The following TTC34 variants were observed in gnomAD, a reference collection of about 807,000 sequenced individuals.
The protein encoded by TTC34 is tetratricopeptide repeat protein 34.
In TTC34, 44 loss-of-function variants were observed where a neutral mutation model predicts 40.7. The ratio of observed to expected loss-of-function variants is 1.08; its 90% CI spans 0.85 to 1.39. The LOEUF is 1.39. TTC34 is among the 40% of genes most tolerant of loss of function. TTC34 has a pLI of 0.00. For synonymous variants in TTC34, 422 were observed against 398.6 expected (o/e 1.06, Z -0.70); for missense variants, 884 against 838.0 (o/e 1.05, Z -0.68).
chr1:2,643,687 A>C (rs1638960480), intron 8 of TTC34, among the ~76,000 whole-genome samples: 1 of 152,128 alleles, frequency 6.6e-6, no homozygotes, highest in African/African-American at 2.4e-5. Flanking sequence ...GCAGCACCGA[A>C]CTGCCCCTTA....
chr1:2,683,472 C>T (rs535755905), intron 6 of TTC34, among the ~76,000 whole-genome samples: 2 of 150,254 alleles, frequency 1.3e-5, no homozygotes, highest in African/African-American at 4.9e-5. Flanking sequence ...AGCACCCACA[C>T]CACCAGGCGA....
exon 2 of TTC34, chr1:2,800,542 C>T (rs1019158279): frequency 2.8e-5 from 11 of 398,302 alleles, no homozygotes; most frequent in South Asian, 1.3e-4. Context: ...GGGCAGAGGG[C>T]GCCGAGGAAG....
chr1:2,757,157 TGC>T (rs1641534428), intron 6 of TTC34, among the ~76,000 whole-genome samples: 3 of 9,412 alleles, frequency 3.2e-4, no homozygotes, highest in Admixed American at 1.1e-3. Context: ...CCCCCAGGTG[TGC>T]ACGTGACAGC....
At chr1:2,697,609 C>CAA (rs1640927043) in intron 6 of TTC34, among the ~76,000 whole-genome samples, 1 of 91,630 alleles carries the variant, frequency 1.1e-5, no homozygotes, top group African/African-American at 3.6e-5. Flanking sequence ...CCCACAACCC[C>CAA]AGGTGAGCAT....
intron 6 of TTC34, among the ~76,000 whole-genome samples, chr1:2,690,145 G>C (rs1640549900): frequency 1.1e-4 from 16 of 150,776 alleles, no homozygotes; most frequent in African/African-American, 3.9e-4. Context: ...ACACCCCAAG[G>C]TGAGCATCTG....
intron 6 of TTC34, among the ~76,000 whole-genome samples, chr1:2,646,205 A>T (rs1639018731): frequency 6.6e-6 from 1 of 152,188 alleles, no homozygotes. Flanking sequence ...ACAGCTATGA[A>T]CAAGCCCCCA....
intron 6 of TTC34, among the ~76,000 whole-genome samples, chr1:2,749,836 C>T (rs1641259101): frequency 7.2e-6 from 1 of 138,898 alleles, no homozygotes; most frequent in East Asian, 2.1e-4. Context: ...CCTGGAACAG[C>T]ACCCACACCC....
Position 2,646,551 on chromosome 1 carries a change from A to G in TTC34, c.2227-988T>C, listed in dbSNP as rs1420979945. Among the ~76,000 whole-genome samples, 2 of 152,050 alleles carry G rather than the reference A, an allele frequency of 1.3e-5. 1 individual carries two copies. The highest frequency in any genetic ancestry group is 2.9e-5 in the Non-Finnish European group (2 of 68,014). On this transcript the variant is annotated intron_variant, in intron 6 of 8. Coordinates refer to ENST00000401095, the Ensembl canonical transcript of TTC34. ...AGGCACATGCCACCACACCCAGCTC[A>G]TTTTAAAATCTTTTTGTACAAATGG...
chr1:2,687,240 C>G (rs1444051327), intron 6 of TTC34, among the ~76,000 whole-genome samples: 71 of 138,664 alleles, frequency 5.1e-4, no homozygotes, highest in Admixed American at 7.2e-4. Context: ...GAGCAGCACC[C>G]ACACCCCCAG....
chr1:2,648,269 G>A (rs1158763750), intron 6 of TTC34, among the ~76,000 whole-genome samples: 2 of 152,126 alleles, frequency 1.3e-5, no homozygotes, highest in Non-Finnish European at 2.9e-5. Flanking sequence ...CTGTGGTGCT[G>A]TCCTGCAAGG....
chr1:2,641,982 A>G, intron 8 of TTC34, 87 bp from the exon 9 acceptor site: 5 of 1,326,778 alleles, frequency 3.8e-6, no homozygotes, highest in Non-Finnish European at 5.0e-6. Context: ...TCCTCTGCAC[A>G]GCCAGCTTCT....
chr1:2,690,170 CA>C (rs1640551197), intron 6 of TTC34, among the ~76,000 whole-genome samples: 1 of 147,374 alleles, frequency 6.8e-6, no homozygotes, highest in Middle Eastern at 3.5e-3. Flanking sequence ...CGTGGAGCAG[CA>C]CCCCACACCC....
intron 2 of TTC34, among the ~76,000 whole-genome samples, chr1:2,797,907 G>C (rs1047840174): frequency 6.6e-6 from 1 of 151,896 alleles, no homozygotes; most frequent in Admixed American, 6.6e-5. Context: ...CCACAATCTC[G>C]TCACTTCTAA....
Position 2,645,580 on chromosome 1 carries a change from CGGG to C in TTC34, c.2227-20_2227-18del. On this transcript the variant is annotated intron_variant, in intron 6 of 8. Transcript: ENST00000401095. The surrounding 1 kb of genome is among the most constrained non-coding windows in gnomAD (Gnocchi z 4.7). ...CACGGCTTCCTGCAAGGAGGGAGGG[CGGG>C]CGGGTGCAGAGTTGTCCTAAGTAGA... is the stretch of plus-strand genomic sequence containing the variant. 8 of 24,718 alleles carry C rather than the reference CGGG, an allele frequency of 3.2e-4. No homozygotes were observed. Among genetic ancestry groups the C allele is most frequent in the East Asian group, 9.7e-4 (1 of 1,032 alleles). 1.5% of individuals were successfully genotyped at this position (24,718 alleles called of 1,614,324 possible).
At chr1:2,775,883 G>C (rs1398684673) in intron 6 of TTC34, among the ~76,000 whole-genome samples, 2 of 140,754 alleles carry the variant, frequency 1.4e-5, no homozygotes, top group Non-Finnish European at 3.0e-5. Context: ...CAGGCTGCCA[G>C]ATCCTCACCT....
intron 6 of TTC34, among the ~76,000 whole-genome samples, chr1:2,781,799 A>G (rs1643488297): frequency 6.6e-6 from 1 of 152,126 alleles, no homozygotes. Context: ...TCATTCTGTT[A>G]ATGTGGTACA....
chr1:2,683,621 C>T (rs1419025860), intron 6 of TTC34, among the ~76,000 whole-genome samples: 4 of 76,008 alleles, frequency 5.3e-5, no homozygotes, highest in African/African-American at 1.5e-4. Flanking sequence ...CATCCTTCAG[C>T]AGCACCCACA....
chr1:2,652,234 C>T (rs766529259), intron 6 of TTC34, among the ~76,000 whole-genome samples: 345 of 149,840 alleles, frequency 2.3e-3, no homozygotes, highest in Non-Finnish European at 3.6e-3. Context: ...CGGCCTGGAA[C>T]AGCACCCACA....
At chr1:2,686,721 A>T (rs1640369788) in intron 6 of TTC34, among the ~76,000 whole-genome samples, 3 of 144,044 alleles carry the variant, frequency 2.1e-5, no homozygotes, top group African/African-American at 7.9e-5. Flanking sequence ...CAGCACACAC[A>T]CCCCCAGGCG....
Sources: gnomAD v4.1 joint callset for allele counts (sites outside exome capture counted in the v4.1 genomes callset) on GRCh38, gnomAD v4.1.1 for gene constraint, Gnocchi (gnomAD v3.1) non-coding constraint, MANE v1.5 for transcripts, NCBI Gene and HGNC (gene_info 2026-07-23, HGNC 2026-07-21) for gene names.